CD96: variants seen among roughly 807,000 people sequenced by gnomAD.
CD96 encodes the protein T-cell surface protein tactile.
A neutral mutation model predicts 71.3 loss-of-function variants in CD96; 70 were observed. The observed-to-expected ratio is 0.98, with a 90% CI of 0.81 to 1.20. The LOEUF is 1.20. CD96 is among the 50% of genes most tolerant of loss of function. CD96 has a pLI of 0.00. For missense variants in CD96, 742 were observed against 677.5 expected (o/e 1.10, Z -1.06); for synonymous variants, 248 against 233.0 (o/e 1.06, Z -0.59).
chr3:111,618,872 C>T (rs1938380852), intron 8 of CD96, among the ~76,000 whole-genome samples: 1 of 151,962 alleles, frequency 6.6e-6, no homozygotes, highest in Non-Finnish European at 1.5e-5. Context: ...CGCCCGGCCT[C>T]GCTTTTTTTT....
At chr3:111,656,466 T>C (rs1940231972), downstream of CD96, among the ~76,000 whole-genome samples, 1 of 152,188 alleles carries the variant, frequency 6.6e-6, no homozygotes, top group African/African-American at 2.4e-5. Context: ...AACAAAACTA[T>C]ATATTAATTT....
chr3:111,610,467 C>T (rs930959619), intron 8 of CD96, among the ~76,000 whole-genome samples: 1 of 152,176 alleles, frequency 6.6e-6, no homozygotes, highest in African/African-American at 2.4e-5. Context: ...CATTACGAAG[C>T]TGCATGTCTG....
rs200767318 is a variant in CD96 at position 111,623,789 on chromosome 3, G to T, written c.1216G>T (p.Val406Leu). 1.2e-4 allele frequency: 194 copies of T among 1,612,464 alleles called. No homozygotes were observed. Among genetic ancestry groups the T allele is most frequent in the Middle Eastern group, 8.2e-4 (5 of 6,082 alleles). ...TACATCTTCAGTGACCCTTGTAGAT[G>T]TGAGTGCCTTGAGGCCAAACACCAC... is the stretch of plus-strand genomic sequence containing the variant. ...PATSSVTLVD[V>L]SALRPNTTPQ... The change falls in exon 9 of 14, where the codon GTG becomes TTG. Residue 406 changes from valine to leucine, a missense_variant. Val to Leu is a conservative substitution (Grantham distance 32). Coordinates refer to ENST00000352690, the MANE Select transcript of CD96 (RefSeq NM_005816.5).
intron 10 of CD96, among the ~76,000 whole-genome samples, chr3:111,631,356 G>A (rs2107735355): frequency 6.6e-6 from 1 of 152,014 alleles, no homozygotes; most frequent in African/African-American, 2.4e-5. Flanking sequence ...CCAACAACAG[G>A]CAAGCTGACA....
chr3:111,601,061 C>T (rs1356641948), intron 7 of CD96, 147 bp downstream of exon 7: 2 of 580,658 alleles, frequency 3.4e-6, no homozygotes, highest in African/African-American at 3.8e-5. Context: ...AGTTATCAAA[C>T]ATTTTTGACA....
At chr3:111,585,759 T>C (rs774394767) in intron 5 of CD96, among the ~76,000 whole-genome samples, 6 of 152,180 alleles carry the variant, frequency 3.9e-5, no homozygotes, top group Non-Finnish European at 8.8e-5. Context: ...TTCTAATCCA[T>C]TTCCTTTACC....
chr3:111,554,683 G>C (rs188602875), intron 2 of CD96, among the ~76,000 whole-genome samples: 94 of 152,230 alleles, frequency 6.2e-4, no homozygotes, highest in African/African-American at 2.2e-3. Flanking sequence ...TTTGACACTA[G>C]GTACCGGCAT....
intron 5 of CD96, among the ~76,000 whole-genome samples, chr3:111,596,041 A>G (rs1937242281): frequency 6.6e-6 from 1 of 152,080 alleles, no homozygotes; most frequent in Admixed American, 6.6e-5. Flanking sequence ...GCACGCCTGT[A>G]ATCCCAGCTA....
At chr3:111,616,123 A>G (rs1938222572) in intron 8 of CD96, among the ~76,000 whole-genome samples, 1 of 151,968 alleles carries the variant, frequency 6.6e-6, no homozygotes, top group Admixed American at 6.6e-5. Flanking sequence ...ACATTTTAAC[A>G]CCGTCTATAA....
At chr3:111,624,725 G>C (rs1179617121) in intron 10 of CD96, among the ~76,000 whole-genome samples, 1 of 152,114 alleles carries the variant, frequency 6.6e-6, no homozygotes, top group Non-Finnish European at 1.5e-5. Flanking sequence ...ACTGAGGAAG[G>C]TGACATCTGA....
At chr3:111,549,107 G>A (rs1934562308) in intron 2 of CD96, among the ~76,000 whole-genome samples, 1 of 152,076 alleles carries the variant, frequency 6.6e-6, no homozygotes, top group African/African-American at 2.4e-5. Context: ...TCTTTACTTT[G>A]TCCTTTCCTT....
At chr3:111,657,673 A>G (rs1940266564) in intron 14 of CD96, among the ~76,000 whole-genome samples, 1 of 152,198 alleles carries the variant, frequency 6.6e-6, no homozygotes, top group Admixed American at 6.5e-5. Flanking sequence ...GGGAAAAGGA[A>G]CATATAAATA....
intron 10 of CD96, among the ~76,000 whole-genome samples, chr3:111,627,257 G>A (rs1005531985): frequency 6.6e-6 from 1 of 152,214 alleles, no homozygotes; most frequent in African/African-American, 2.4e-5. Context: ...TGCCTTGTGG[G>A]AGGGGTGGGC....
At chr3:111,636,282 A>T (rs1399500926) in intron 10 of CD96, among the ~76,000 whole-genome samples, 1 of 152,228 alleles carries the variant, frequency 6.6e-6, no homozygotes, top group Non-Finnish European at 1.5e-5. Context: ...TGCTGTTGAC[A>T]TCTAAGAAGA....
intron 2 of CD96, among the ~76,000 whole-genome samples, chr3:111,562,245 T>G (rs1935485501): frequency 6.6e-6 from 1 of 152,188 alleles, no homozygotes; most frequent in Admixed American, 6.5e-5. Context: ...GAATAACAAC[T>G]TCTTTGAAGT....
intron 3 of CD96, among the ~76,000 whole-genome samples, chr3:111,578,737 C>A (rs1180326209): frequency 6.6e-6 from 1 of 152,176 alleles, no homozygotes; most frequent in African/African-American, 2.4e-5. Context: ...CCTGCCCATT[C>A]CAAACCCCAA....
intron 3 of CD96, among the ~76,000 whole-genome samples, chr3:111,573,219 T>C (rs1238288060): frequency 1.3e-5 from 2 of 152,218 alleles, no homozygotes; most frequent in East Asian, 3.8e-4. Flanking sequence ...AGCTTCTAAA[T>C]ATACTCTAAT....
intron 14 of CD96, among the ~76,000 whole-genome samples, chr3:111,663,211 C>T (rs547711859): frequency 1.6e-4 from 25 of 152,120 alleles, no homozygotes; most frequent in African/African-American, 6.0e-4. Context: ...TCTGTGAGAT[C>T]TCGTGAGAAC....
chr3:111,545,158 G>A lies in CD96; in HGVS notation c.174G>A (p.Trp58Ter). The change falls in exon 2 of 14, where the codon TGG becomes TGA. Residue 58 changes from tryptophan (W) to a stop codon, truncating the protein, a stop_gained. Coordinates refer to ENST00000352690, the MANE Select transcript of CD96 (RefSeq NM_005816.5). LOFTEE classifies it high-confidence loss of function. ...TAGGCTTCTTCGTGCAGATGCAATGGTCCAAGGTCACCAATAAGATAGACC... is the reference window on the plus strand; with the variant it reads ...TAGGCTTCTTCGTGCAGATGCAATGATCCAAGGTCACCAATAAGATAGACC... ...QTVGFFVQMQ[W>*]SKVTNKIDLI... is the part of the protein sequence containing the mutation. The A allele has an allele frequency of 6.2e-7, 1 of 1,614,174 alleles. No homozygotes were observed. The highest frequency in any genetic ancestry group is 1.1e-5 in the South Asian group (1 of 91,082).
Sources: gnomAD v4.1 joint callset for allele counts (sites outside exome capture counted in the v4.1 genomes callset) on GRCh38, gnomAD v4.1.1 for gene constraint, MANE v1.5 for transcripts, NCBI Gene and HGNC (gene_info 2026-07-23, HGNC 2026-07-21) for gene names.